PTMA: variants seen among roughly 807,000 people sequenced by gnomAD.
The protein encoded by PTMA is prothymosin alpha.
Under a neutral mutation model 16.9 loss-of-function variants are expected in PTMA, and 4 were observed. That is an observed-to-expected ratio of 0.24 (90% confidence interval 0.12 to 0.54). PTMA has a LOEUF of 0.54. Ranked by LOEUF, PTMA falls within the 20% of genes least tolerant of loss-of-function variation. PTMA has a pLI of 0.95. For synonymous variants in PTMA, 58 were observed against 47.9 expected, an observed-to-expected ratio of 1.21 and a Z score of -0.87; for missense variants, 120 against 137.7, an observed-to-expected ratio of 0.87 and a Z score of 0.64.
At chr2:231,710,311 G>A (rs1178597922) in intron 1 of PTMA, 7 of 1,245,494 alleles carry the variant, frequency 5.6e-6, no homozygotes, top group Non-Finnish European at 7.0e-6. Flanking sequence ...GGCAAGGGAC[G>A]CACTCGGCGG....
chr2:231,711,366 G>A lies in PTMA; in HGVS notation c.64G>A (p.Glu22Lys). ...ITTKDLKEKK[E>K]VVEEAENGRD... ...TTTGAAGGACTTAAAGGAGAAGAAG[G>A]AAGTTGTGGAAGAGGCAGAAAATGG... The change falls in exon 2 of 5, where the codon GAA becomes AAA. Residue 22 changes from glutamate (E) to lysine (K), a missense_variant. By Grantham distance (56) the Glu-to-Lys change is moderately conservative. Coordinates refer to ENST00000409115, the MANE Select transcript of PTMA (RefSeq NM_002823.5). 1.9e-6 allele frequency: 3 copies of A among 1,614,094 alleles called. No individual in the cohort carries two copies. Among genetic ancestry groups the A allele is most frequent in the East Asian group, 2.2e-5 (1 of 44,882 alleles).
At chr2:231,710,663 G>T in intron 1 of PTMA, 1 of 440,028 alleles carries the variant, frequency 2.3e-6, no homozygotes, top group Non-Finnish European at 4.7e-6. Context: ...CCCGGGCGGA[G>T]TCCCACCCCC....
At chr2:231,712,230 TC>T (rs1360063574) in intron 3 of PTMA, among the ~76,000 whole-genome samples, 1 of 152,162 alleles carries the variant, frequency 6.6e-6, no homozygotes, top group Non-Finnish European at 1.5e-5. Flanking sequence ...AAGCCACTGA[TC>T]TATTGGGCTG....
intron 1 of PTMA, chr2:231,710,173 C>A: frequency 2.3e-6 from 3 of 1,286,664 alleles, no homozygotes; most frequent in South Asian, 5.5e-5. Context: ...GGACTTGGCC[C>A]GCCGAATGCA....
intron 1 of PTMA, chr2:231,710,611 G>A (rs545500694): frequency 2.1e-6 from 1 of 485,686 alleles, no homozygotes; most frequent in East Asian, 8.2e-5. Flanking sequence ...GTGTCGTGTG[G>A]AAAAAGTTAC....
chr2:231,709,832 C>T (rs1445159536), intron 1 of PTMA: 5 of 213,136 alleles, frequency 2.3e-5, no homozygotes, highest in African/African-American at 4.6e-5. Context: ...GCCCGTCGTG[C>T]CCCTGCAGGG....
At chr2:231,711,082 C>T in intron 1 of PTMA, 1 of 342,238 alleles carries the variant, frequency 2.9e-6, no homozygotes, top group Non-Finnish European at 5.4e-6. Flanking sequence ...TCCTGGGAAG[C>T]GCCAGGGGGC....
chr2:231,712,271 TCTC>T (rs900525690), intron 3 of PTMA, among the ~76,000 whole-genome samples, 169 bp from the exon 4 acceptor site: 24 of 152,282 alleles, frequency 1.6e-4, no homozygotes, highest in Admixed American at 1.2e-3. Flanking sequence ...CTTGGGCCTC[TCTC>T]CTCTGGAGAG....
intron 3 of PTMA, among the ~76,000 whole-genome samples, 187 bp downstream of exon 3, chr2:231,712,170 C>T (rs562396393): frequency 5.9e-5 from 9 of 152,166 alleles, no homozygotes; most frequent in Non-Finnish European, 8.8e-5. Context: ...TGTGCCCATG[C>T]CCACTCACAC....
intron 1 of PTMA, chr2:231,710,176 C>T (rs778313515): frequency 7.7e-7 from 1 of 1,291,382 alleles, no homozygotes; most frequent in South Asian, 2.7e-5. Context: ...CTTGGCCCGC[C>T]GAATGCAGAC....
intron 1 of PTMA, chr2:231,711,054 C>T (rs905287986): frequency 1.9e-5 from 6 of 312,508 alleles, no homozygotes; most frequent in Non-Finnish European, 3.6e-5. Context: ...GGGGCTGTGG[C>T]GCCACATGGC....
chr2:231,711,501 ATGTGTG>A, intron 2 of PTMA, 82 bp downstream of exon 2: 1 of 1,223,228 alleles, frequency 8.2e-7, no homozygotes, highest in Non-Finnish European at 1.2e-6. Flanking sequence ...ATACCTATAT[ATGTGTG>A]TGTATGTGTA....
chr2:231,710,698 G>A (rs2106243650), intron 1 of PTMA: 1 of 396,662 alleles, frequency 2.5e-6, no homozygotes, highest in Non-Finnish European at 5.3e-6. Flanking sequence ...ATCCCTAGCC[G>A]CCGCGGGGAG....
intron 2 of PTMA, chr2:231,711,654 C>CG: frequency 2.5e-6 from 2 of 787,436 alleles, no homozygotes; most frequent in Non-Finnish European, 4.0e-6. Flanking sequence ...CTCCGGTAGT[C>CG]TGAGTTTGGG....
Position 231,713,517 on chromosome 2 carries a change from T to C in PTMA, c.*666T>C. On this transcript the variant is annotated 3_prime_UTR_variant, in exon 5 of 5. Coordinates refer to ENST00000409115, the MANE Select transcript of PTMA (RefSeq NM_002823.5). ...GTTGTCCAACAATAAACAGGAATTT[T>C]ATTTTGCTGAGTTGTTCTAACAAAG... The C allele has an allele frequency of 2.4e-6, 1 of 416,136 alleles. No individual in the cohort carries two copies. Among genetic ancestry groups the C allele is most frequent in the Non-Finnish European group, 4.9e-6 (1 of 205,300 alleles). The allele number at this position is 416,136 out of a possible 1,614,324, so 25.8% of individuals were successfully genotyped here. A position where few individuals can be genotyped will look rare whatever the true frequency, so the allele number is the denominator to read the frequency against.
chr2:231,711,005 G>C (rs1025743396), intron 1 of PTMA: 1 of 253,632 alleles, frequency 3.9e-6, no homozygotes, highest in East Asian at 1.1e-4. Flanking sequence ...GCTGATGGGC[G>C]TGAGTGTCCG....
chr2:231,712,692 G>A, intron 4 of PTMA, 112 bp from the exon 5 acceptor site: 1 of 1,397,214 alleles, frequency 7.2e-7, no homozygotes, highest in South Asian at 1.3e-5. Context: ...CAGAGGCCTT[G>A]GGCTGTGGAG....
In PTMA at chr2:231,712,804, G is replaced by A. The variant is rs1265730316; in HGVS notation, c.286G>A (p.Asp96Asn). 2 of 1,594,788 alleles carry A rather than the reference G, an allele frequency of 1.3e-6. No homozygotes were observed. The highest frequency in any genetic ancestry group is 3.5e-5 in the Admixed American group (2 of 56,766). ...TGKRAAEDDE[D>N]DDVDTKKQKT... ...CCTTTGACAGTCTTTCTCTGCTTAG[G>A]ATGACGATGTCGATACCAAGAAGCA... Residue 96 changes from aspartate to asparagine, a missense_variant and splice_region_variant, in exon 5 of 5, where the codon GAT (aspartate) becomes AAT (asparagine). Transcript: ENST00000409115.
chr2:231,712,064 G>A, intron 3 of PTMA, 81 bp downstream of exon 3: 2 of 1,544,430 alleles, frequency 1.3e-6, no homozygotes, highest in South Asian at 1.2e-5. Context: ...AGGAATTGGG[G>A]CTCCTGGGAG....
Sources: gnomAD v4.1 joint callset for allele counts (sites outside exome capture counted in the v4.1 genomes callset) on GRCh38, gnomAD v4.1.1 for gene constraint, MANE v1.5 for transcripts, NCBI Gene and HGNC (gene_info 2026-07-23, HGNC 2026-07-21) for gene names.